Variants in ARHGAP28 observed in about 807,000 individuals in gnomAD.
ARHGAP28 encodes the protein rho GTPase-activating protein 28.
ARHGAP28 carries 56 observed loss-of-function variants against 90.7 expected under a neutral mutation model. The ratio of observed to expected loss-of-function variants is 0.62; its 90% CI spans 0.50 to 0.77. The LOEUF is 0.77. ARHGAP28 is among the 30% of genes least tolerant of loss of function. The pLI is 0.00. For missense variants in ARHGAP28, 869 were observed against 900.9 expected (o/e 0.96, Z 0.45); for synonymous variants, 308 against 323.3 (o/e 0.95, Z 0.51).
intron 5 of ARHGAP28, among the ~76,000 whole-genome samples, chr18:6,866,966 A>G (rs2057042479): frequency 6.6e-6 from 1 of 152,228 alleles, no homozygotes; most frequent in African/African-American, 2.4e-5. Flanking sequence ...AGTTGTCCAC[A>G]TCTCTTTAAG....
In ARHGAP28 at chr18:6,788,856, G is replaced by C. The variant is rs373320863; in HGVS notation, c.123-35906G>C. 2.5e-4 allele frequency: 38 copies of C among 152,258 alleles called. 2 individuals carry two copies. In the East Asian group the frequency reaches 3.9e-3, roughly 15 times the overall value. 9.4% of individuals were successfully genotyped at this position (152,258 alleles called of 1,614,324 possible). On this transcript the variant is annotated intron_variant, in intron 1 of 17. Transcript: ENST00000383472. ...TGACCAAGATACAGTACTTGCCCAG[G>C]AAGAAGAATTCCTGTGGCCACCTCT...
At chr18:6,864,013 G>C (rs1256530642) in intron 5 of ARHGAP28, among the ~76,000 whole-genome samples, 1 of 151,592 alleles carries the variant, frequency 6.6e-6, no homozygotes, top group Non-Finnish European at 1.5e-5. Context: ...TTGAACTCCT[G>C]ACCTCAGGTG....
chr18:6,837,271 G>T lies in ARHGAP28; in HGVS notation c.400G>T (p.Gly134Cys), dbSNP rs1184166767. 1 of 1,606,374 alleles carries T rather than the reference G, an allele frequency of 6.2e-7. No individual in the cohort carries two copies. The highest frequency in any genetic ancestry group is 8.5e-7 in the Non-Finnish European group (1 of 1,176,834). Residue 134 changes from glycine to cysteine, a missense_variant, in exon 3 of 18, where the codon GGC (glycine) becomes TGC (cysteine). Physicochemically the swap from Gly to Cys is radical, Grantham distance 159. Transcript: ENST00000383472. Reference protein sequence around the residue: ...TLISGDEEEDGKALLSTLTRT... With the variant: ...TLISGDEEEDCKALLSTLTRT... ...GATCTCAGGTGATGAAGAGGAAGAT[G>T]GCAAAGCCTTGCTCTCCACATTGAC... is the stretch of plus-strand genomic sequence containing the variant.
At chr18:6,820,008 TAATAAAAAGTTATGA>T (rs2056616068) in intron 1 of ARHGAP28, among the ~76,000 whole-genome samples, 1 of 152,210 alleles carries the variant, frequency 6.6e-6, no homozygotes, top group Non-Finnish European at 1.5e-5. Context: ...ATCTGCCATC[TAATAAAAAGTTATGA>T]AATATGTGAA....
chr18:6,780,515 G>T (rs1189138818), intron 1 of ARHGAP28, among the ~76,000 whole-genome samples: 1 of 151,988 alleles, frequency 6.6e-6, no homozygotes, highest in African/African-American at 2.4e-5. Flanking sequence ...ATTAGTTGTG[G>T]GGAGGGGTAT....
chr18:6,760,297 A>G (rs187857107), intron 1 of ARHGAP28, among the ~76,000 whole-genome samples: 130 of 152,336 alleles, frequency 8.5e-4, no homozygotes, highest in African/African-American at 2.7e-3. Context: ...CAAAAGAAGT[A>G]TAATTTGTAG....
chr18:6,812,763 A>T (rs1030397923), intron 1 of ARHGAP28, among the ~76,000 whole-genome samples: 1 of 152,148 alleles, frequency 6.6e-6, no homozygotes, highest in Non-Finnish European at 1.5e-5. Flanking sequence ...TATTTATTTG[A>T]TTCTCCTTTG....
chr18:6,776,595 C>T lies in ARHGAP28; in HGVS notation c.122+46652C>T, dbSNP rs1187764806. On this transcript the variant is annotated intron_variant, in intron 1 of 17. Transcript: ENST00000383472. The stretch of plus-strand genomic sequence containing the variant: ...TATAGGCATGAGCCACCATGCCCGG[C>T]CCAAAGTGTTTCTTTGACAATTTGC... Among the ~76,000 whole-genome samples, 6 of 152,198 alleles carry T rather than the reference C, an allele frequency of 3.9e-5. No homozygotes were observed. The South Asian group carries it at 1.0e-3, about 26-fold the overall frequency.
In ARHGAP28 at chr18:6,912,009, GCA is replaced by G. The variant is rs111316765; in HGVS notation, c.2096-40_2096-39del. 548 of 1,206,646 alleles carry G rather than the reference GCA, an allele frequency of 4.5e-4. 2 individuals are homozygous for G. In the South Asian group the frequency reaches 5.5e-3, roughly 12 times the overall value. The allele number at this position is 1,206,646 out of a possible 1,614,324, so 74.7% of individuals were successfully genotyped here. A position where few individuals can be genotyped will look rare whatever the true frequency, so the allele number is the denominator to read the frequency against. On this transcript the variant is annotated intron_variant, in intron 17 of 17. Coordinates refer to ENST00000383472, the MANE Select transcript of ARHGAP28 (RefSeq NM_001366230.1). The stretch of plus-strand genomic sequence containing the variant: ...CACACAGACACATATGTGTGCGCAC[GCA>G]CACACACACAAATGTACACTAATTC...
intron 1 of ARHGAP28, among the ~76,000 whole-genome samples, chr18:6,809,638 A>G (rs1424925813): frequency 6.6e-6 from 1 of 152,068 alleles, no homozygotes; most frequent in Non-Finnish European, 1.5e-5. Flanking sequence ...ATACTTTTAC[A>G]ACAACCAGAT....
chr18:6,862,251 C>T (rs2057004294), intron 5 of ARHGAP28, among the ~76,000 whole-genome samples: 3 of 152,002 alleles, frequency 2.0e-5, no homozygotes, highest in Admixed American at 6.6e-5. Flanking sequence ...GAGGGATATC[C>T]GGTAATCAAA....
intron 1 of ARHGAP28, among the ~76,000 whole-genome samples, chr18:6,812,618 G>C (rs1398816880): frequency 1.5e-5 from 2 of 129,580 alleles, no homozygotes; most frequent in Non-Finnish European, 3.0e-5. Context: ...CTATTGATCA[G>C]AGACATATAG....
At chr18:6,890,292 A>T in intron 13 of ARHGAP28, 138 bp from the exon 14 acceptor site, 1 of 773,130 alleles carries the variant, frequency 1.3e-6, no homozygotes, top group Non-Finnish European at 2.1e-6. Context: ...TTTTTTCTAA[A>T]CTTTATAAGG....
At chr18:6,860,028 C>A in intron 5 of ARHGAP28, 131 bp downstream of exon 5, 1 of 752,716 alleles carries the variant, frequency 1.3e-6, no homozygotes, top group Non-Finnish European at 2.2e-6. Flanking sequence ...GCAAGGAAAC[C>A]ACAGCTGCTG....
At chr18:6,758,630 T>G (rs2056133256) in intron 1 of ARHGAP28, among the ~76,000 whole-genome samples, 1 of 152,220 alleles carries the variant, frequency 6.6e-6, no homozygotes, top group African/African-American at 2.4e-5. Flanking sequence ...AGCCACTTGC[T>G]TGTCTTTTAA....
At chr18:6,735,345 A>C (rs1380360074) in intron 1 of ARHGAP28, among the ~76,000 whole-genome samples, 2 of 152,162 alleles carry the variant, frequency 1.3e-5, no homozygotes, top group Non-Finnish European at 2.9e-5. Context: ...TTTTGATTTC[A>C]CCAGTTTTCC....
chr18:6,869,993 A>T, intron 6 of ARHGAP28, among the ~76,000 whole-genome samples: 1 of 152,232 alleles, frequency 6.6e-6, no homozygotes. Flanking sequence ...TAACCCATTC[A>T]GCTTTTTCTC....
At chr18:6,841,119 T>TTCTC (rs149011221) in intron 3 of ARHGAP28, among the ~76,000 whole-genome samples, 1 of 117,226 alleles carries the variant, frequency 8.5e-6, no homozygotes, top group Admixed American at 8.9e-5. Flanking sequence ...GGTCCTTCTC[T>TTCTC]TCTCTCTCTC....
chr18:6,867,836 A>G (rs2057049632), intron 5 of ARHGAP28, among the ~76,000 whole-genome samples: 1 of 152,328 alleles, frequency 6.6e-6, no homozygotes, highest in African/African-American at 2.4e-5. Context: ...ATAAGCAGCA[A>G]TATCAAATTA....
Sources: gnomAD v4.1 joint callset for allele counts (sites outside exome capture counted in the v4.1 genomes callset) on GRCh38, gnomAD v4.1.1 for gene constraint, MANE v1.5 for transcripts, NCBI Gene and HGNC (gene_info 2026-07-23, HGNC 2026-07-21) for gene names.